Variants in INSL6 observed in about 807,000 individuals in gnomAD.
INSL6 encodes insulin-like peptide INSL6.
Under a neutral mutation model 9.4 loss-of-function variants are expected in INSL6, and 16 were observed. The observed-to-expected ratio is 1.70, with a 90% CI of 1.15 to 2.59. The LOEUF is 2.59. INSL6 is among the 30% of genes most tolerant of loss of function. The probability of loss-of-function intolerance (pLI) is 0.00; values close to 1 mark genes in which losing one functional copy is unlikely to be tolerated. For synonymous variants in INSL6, 154 were observed against 96.9 expected (o/e 1.59, Z -3.46); for missense variants, 391 against 257.3 (o/e 1.52, Z -3.56).
chr9:5,143,514 C>A (rs923324578), intron 2 of INSL6, among the ~76,000 whole-genome samples: 6 of 152,078 alleles, frequency 3.9e-5, no homozygotes, highest in African/African-American at 1.4e-4. Flanking sequence ...GTCTGTATTT[C>A]TGTGGGGTCA....
At chr9:5,088,064 T>C in the INSL6 span, among the ~76,000 whole-genome samples, 1 of 152,224 alleles carries the variant, frequency 6.6e-6, no homozygotes, top group Non-Finnish European at 1.5e-5. Flanking sequence ...AAAATGTGTT[T>C]TGGAATAATT....
At chr9:5,047,529 T>A in the INSL6 span, among the ~76,000 whole-genome samples, 3 of 152,260 alleles carry the variant, frequency 2.0e-5, no homozygotes, top group Non-Finnish European at 4.4e-5. Flanking sequence ...GTTTACCTCA[T>A]GTTCTTGGCA....
the INSL6 span, among the ~76,000 whole-genome samples, chr9:5,008,556 T>C: frequency 6.6e-6 from 1 of 151,392 alleles, no homozygotes; most frequent in Non-Finnish European, 1.5e-5. Context: ...TGAGTATGAA[T>C]CTAAAGAGGG....
chr9:5,082,056 A>T, the INSL6 span, among the ~76,000 whole-genome samples: 6 of 152,246 alleles, frequency 3.9e-5, no homozygotes, highest in Non-Finnish European at 8.8e-5. Flanking sequence ...CAGCCCCTCC[A>T]CACCTGTGGG....
the INSL6 span, among the ~76,000 whole-genome samples, chr9:5,088,482 C>A: frequency 4.5e-3 from 682 of 152,108 alleles, 7 homozygotes; most frequent in African/African-American, 0.016. Context: ...TAGCAACTTA[C>A]CAATTCTATG....
chr9:5,115,479 C>T, the INSL6 span, among the ~76,000 whole-genome samples: 1 of 152,146 alleles, frequency 6.6e-6, no homozygotes, highest in Non-Finnish European at 1.5e-5. Flanking sequence ...TAAATTAGTT[C>T]AACCATTGTG....
At chr9:5,089,662 T>A in the INSL6 span, 1 of 1,308,622 alleles carries the variant, frequency 7.6e-7, no homozygotes, top group African/African-American at 1.5e-5. Context: ...CCTAATGTGA[T>A]GTGTCATTTA....
the INSL6 span, chr9:5,055,701 T>C: frequency 6.3e-7 from 1 of 1,586,606 alleles, no homozygotes; most frequent in Non-Finnish European, 8.6e-7. Context: ...TTCCTAATAT[T>C]ATTGATGTCA....
chr9:5,093,714 A>G, the INSL6 span, among the ~76,000 whole-genome samples: 1 of 152,180 alleles, frequency 6.6e-6, no homozygotes, highest in Non-Finnish European at 1.5e-5. Flanking sequence ...AATTTGATCA[A>G]CAGAACAAGT....
At chr9:5,076,690 C>A in the INSL6 span, among the ~76,000 whole-genome samples, 2 of 151,986 alleles carry the variant, frequency 1.3e-5, no homozygotes, top group African/African-American at 4.8e-5. Flanking sequence ...TATTTTAGTG[C>A]CTCACAAAGT....
chr9:5,085,904 A>C, the INSL6 span: 1 of 908,214 alleles, frequency 1.1e-6, no homozygotes, highest in Non-Finnish European at 1.9e-6. Flanking sequence ...CCTTTCTAAT[A>C]CCCTCATACA....
chr9:4,996,367 G>A, the INSL6 span, among the ~76,000 whole-genome samples: 32 of 152,238 alleles, frequency 2.1e-4, no homozygotes, highest in African/African-American at 7.2e-4. Flanking sequence ...AGAATCGCTT[G>A]TACCTGGGAG....
At chr9:5,069,123 T>A in the INSL6 span, 6 of 1,613,018 alleles carry the variant, frequency 3.7e-6, no homozygotes, top group African/African-American at 6.7e-5. Flanking sequence ...GTCTTAAAGA[T>A]CTTTTGAATT....
At chr9:5,138,563 C>T (rs1487734674) in intron 2 of INSL6, among the ~76,000 whole-genome samples, 2 of 152,106 alleles carry the variant, frequency 1.3e-5, no homozygotes, top group Admixed American at 6.5e-5. Flanking sequence ...AGGGGAACAT[C>T]ACACACCTGG....
the INSL6 span, among the ~76,000 whole-genome samples, chr9:5,000,646 A>G: frequency 1.3e-5 from 2 of 152,028 alleles, no homozygotes; most frequent in African/African-American, 4.8e-5. Context: ...ATTTTTATAA[A>G]TTTTCCCTAT....
the INSL6 span, among the ~76,000 whole-genome samples, chr9:5,087,671 G>A: frequency 6.6e-6 from 1 of 152,212 alleles, no homozygotes; most frequent in African/African-American, 2.4e-5. Flanking sequence ...ATTGTTGGCA[G>A]GGATGTGATA....
chr9:5,168,774 T>A (rs747567996), intron 1 of INSL6, among the ~76,000 whole-genome samples: 2 of 149,606 alleles, frequency 1.3e-5, no homozygotes, highest in Non-Finnish European at 2.9e-5. Flanking sequence ...CAATGACATA[T>A]AATCATCAGT....
At chr9:5,043,174 C>A in the INSL6 span, among the ~76,000 whole-genome samples, 2 of 152,224 alleles carry the variant, frequency 1.3e-5, no homozygotes, top group Admixed American at 1.3e-4. Flanking sequence ...CCTGGACTGG[C>A]TGGCGGACTC....
the INSL6 span, among the ~76,000 whole-genome samples, chr9:5,074,703 TA>T: frequency 6.6e-6 from 1 of 152,236 alleles, no homozygotes; most frequent in Non-Finnish European, 1.5e-5. Flanking sequence ...CAATGGTCTT[TA>T]AATGTTCAAG....
Sources: gnomAD v4.1 joint callset for allele counts (sites outside exome capture counted in the v4.1 genomes callset) on GRCh38, gnomAD v4.1.1 for gene constraint, MANE v1.5 for transcripts, NCBI Gene and HGNC (gene_info 2026-07-23, HGNC 2026-07-21) for gene names.